Variants in EXOC6 observed in about 807,000 individuals in gnomAD.
The protein encoded by EXOC6 is exocyst complex component 6, also known as SEC15-like 1.
Under a neutral mutation model 112.5 loss-of-function variants are expected in EXOC6, and 60 were observed. That is an observed-to-expected ratio of 0.53 (90% confidence interval 0.43 to 0.66). EXOC6 has a LOEUF of 0.66. Ranked by LOEUF, EXOC6 falls within the 30% of genes least tolerant of loss-of-function variation. The pLI is 0.00. For missense variants in EXOC6, 855 were observed against 957.1 expected (o/e 0.89, Z 1.41); for synonymous variants, 295 against 308.0 (o/e 0.96, Z 0.44).
At chr10:92,846,855 A>G (rs1471554154), upstream of EXOC6, among the ~76,000 whole-genome samples, 1 of 152,208 alleles carries the variant, frequency 6.6e-6, no homozygotes, top group Non-Finnish European at 1.5e-5. Context: ...ATTATCCTGG[A>G]TTAAATGGTT....
chr10:93,058,506 A>G lies in EXOC6; in HGVS notation c.*151A>G, dbSNP rs956428955. 3.5e-5 allele frequency: 17 copies of G among 486,110 alleles called. No individual in the cohort carries two copies. Among genetic ancestry groups the G allele is most frequent in the Non-Finnish European group, 5.8e-5 (17 of 295,276 alleles). 30.1% of individuals were successfully genotyped at this position (486,110 alleles called of 1,614,324 possible). ...GCTTAAACAAGAAATAGTAATAAAT[A>G]TCATTTGTATGGATTTTTAAATAAT... On this transcript the variant is annotated 3_prime_UTR_variant, in exon 22 of 22. Coordinates refer to ENST00000260762, the MANE Select transcript of EXOC6 (RefSeq NM_019053.6).
chr10:92,868,569 C>G (rs927248155), intron 1 of EXOC6, among the ~76,000 whole-genome samples: 1 of 151,990 alleles, frequency 6.6e-6, no homozygotes, highest in African/African-American at 2.4e-5. Flanking sequence ...ATAAATTTCT[C>G]TAGTTCTAGA....
intron 8 of EXOC6, among the ~76,000 whole-genome samples, chr10:92,922,146 A>C (rs1380261805): frequency 6.6e-6 from 1 of 151,808 alleles, no homozygotes; most frequent in Admixed American, 6.6e-5. Flanking sequence ...GGGTTTCTCC[A>C]TGTTGGCTAG....
At chr10:92,842,690 C>CTGG (rs539094783) in intron 1 of EXOC6, among the ~76,000 whole-genome samples, 329 of 151,502 alleles carry the variant, frequency 2.2e-3, no homozygotes, top group African/African-American at 7.5e-3. Context: ...GTCTTATAAA[C>CTGG]TGGTGGTGGT....
intron 4 of EXOC6, among the ~76,000 whole-genome samples, chr10:92,898,109 G>A (rs938570544): frequency 1.3e-5 from 2 of 151,972 alleles, no homozygotes; most frequent in African/African-American, 2.4e-5. Flanking sequence ...TGGATTAGGA[G>A]GAGTATGAAA....
At chr10:92,971,598 A>C (rs1024950805) in intron 17 of EXOC6, among the ~76,000 whole-genome samples, 1 of 143,170 alleles carries the variant, frequency 7.0e-6, no homozygotes, top group Non-Finnish European at 1.5e-5. Flanking sequence ...CTCATCTCGA[A>C]CTCTTGACCT....
intron 20 of EXOC6, among the ~76,000 whole-genome samples, chr10:93,047,817 G>C (rs1846074002): frequency 6.6e-6 from 1 of 151,986 alleles, no homozygotes; most frequent in Admixed American, 6.6e-5. Context: ...GTGGTGGCGT[G>C]TTCCTGTAAT....
upstream of EXOC6, among the ~76,000 whole-genome samples, chr10:92,834,115 T>G (rs117325489): frequency 1.2e-3 from 179 of 152,116 alleles, 2 homozygotes; most frequent in East Asian, 0.031. Flanking sequence ...TGGCTCTATC[T>G]CTAATGGAGG....
At chr10:93,029,250 G>A (rs948212968) in intron 20 of EXOC6, among the ~76,000 whole-genome samples, 1 of 152,164 alleles carries the variant, frequency 6.6e-6, no homozygotes, top group African/African-American at 2.4e-5. Context: ...ATAGACTATA[G>A]TGTAAACATA....
Position 92,839,835 on chromosome 10 carries a change from G to A in EXOC6, c.86+5011G>A, listed in dbSNP as rs945142535. Among the ~76,000 whole-genome samples, 17 of 152,194 alleles carry A rather than the reference G, an allele frequency of 1.1e-4. No individual in the cohort carries two copies. The East Asian group carries it at 1.2e-3, about 10-fold the overall frequency. On this transcript the variant is annotated intron_variant, in intron 1 of 21. Coordinates refer to the EXOC6 transcript ENST00000371552. Reference sequence around the variant, plus strand: ...CTGCAAAGTTAGTGGGAGGTAGAAAGGTGGGGGGCTGTGGGGCGGGGGTGG... The same window carrying A: ...CTGCAAAGTTAGTGGGAGGTAGAAAAGTGGGGGGCTGTGGGGCGGGGGTGG...
chr10:92,942,687 T>C (rs926901747), intron 13 of EXOC6, among the ~76,000 whole-genome samples: 5 of 152,204 alleles, frequency 3.3e-5, no homozygotes, highest in African/African-American at 1.2e-4. Context: ...ATTTTTATAG[T>C]TATAAAATCT....
chr10:92,891,134 G>A (rs1286260153), intron 1 of EXOC6, among the ~76,000 whole-genome samples: 2 of 152,194 alleles, frequency 1.3e-5, no homozygotes, highest in Admixed American at 6.5e-5. Flanking sequence ...AACTAGAAAA[G>A]TGGGGTTTAC....
intron 7 of EXOC6, among the ~76,000 whole-genome samples, chr10:92,918,706 G>C (rs1851259515): frequency 6.6e-6 from 1 of 152,124 alleles, no homozygotes; most frequent in Non-Finnish European, 1.5e-5. Flanking sequence ...TTGTAGGCGT[G>C]AGCCACCACA....
At position 92,858,027 on chromosome 10, in the gene EXOC6, C is replaced by CCCCA. The variant is rs769661418; in HGVS notation, c.101+9395_101+9396insCACC. On this transcript the variant is annotated intron_variant, in intron 1 of 21. Transcript: ENST00000260762. ...AAGATTTTTAGTTGACGGGTTCCCC[C>CCCCA]CCTCCGCCGGCCAGCAGTTTGAATA... Among the ~76,000 whole-genome samples, 34 of 138,030 alleles carry CCCCA rather than the reference C, an allele frequency of 2.5e-4. 4 individuals are homozygous for CCCCA. The highest frequency in any genetic ancestry group is 8.3e-4 in the South Asian group (3 of 3,598). 90.6% of individuals were successfully genotyped at this position (138,030 alleles called of 152,430 possible).
At chr10:93,036,486 A>G (rs1370653268) in intron 20 of EXOC6, among the ~76,000 whole-genome samples, 1 of 152,116 alleles carries the variant, frequency 6.6e-6, no homozygotes, top group Non-Finnish European at 1.5e-5. Flanking sequence ...ATATACCATA[A>G]TTTATTAAAC....
At chr10:93,004,617 G>A (rs1843895507) in intron 19 of EXOC6, among the ~76,000 whole-genome samples, 1 of 151,954 alleles carries the variant, frequency 6.6e-6, no homozygotes, top group Non-Finnish European at 1.5e-5. Context: ...ATGCCTTTTT[G>A]TAAATTTTCT....
In EXOC6 at chr10:93,001,399, C is replaced by T. The variant is rs188615626; in HGVS notation, c.2095+3784C>T. Among the ~76,000 whole-genome samples the T allele has an allele frequency of 9.9e-5, 15 of 152,214 alleles. 1 individual carries two copies. The highest frequency in any genetic ancestry group is 4.2e-4 in the South Asian group (2 of 4,818). The stretch of plus-strand genomic sequence containing the variant: ...AGATTACTCTTCAGAAAATACATTT[C>T]GATACAATACATCACTCTATCAATC... On this transcript the variant is annotated intron_variant, in intron 19 of 21. Coordinates refer to ENST00000260762, the MANE Select transcript of EXOC6 (RefSeq NM_019053.6).
intron 20 of EXOC6, among the ~76,000 whole-genome samples, chr10:93,039,428 G>A (rs1590089706): frequency 6.6e-6 from 1 of 152,038 alleles, no homozygotes; most frequent in Non-Finnish European, 1.5e-5. Flanking sequence ...GGATTGGAAG[G>A]GACTTCCAAA....
chr10:93,043,975 G>A (rs1845897175), intron 20 of EXOC6, among the ~76,000 whole-genome samples: 1 of 152,212 alleles, frequency 6.6e-6, no homozygotes, highest in African/African-American at 2.4e-5. Context: ...TGGTCAGAAT[G>A]TTACAGTGTT....
Sources: gnomAD v4.1 joint callset for allele counts (sites outside exome capture counted in the v4.1 genomes callset) on GRCh38, gnomAD v4.1.1 for gene constraint, MANE v1.5 for transcripts, NCBI Gene and HGNC (gene_info 2026-07-23, HGNC 2026-07-21) for gene names.